The following RAB31 variants were observed in gnomAD, a reference collection of about 807,000 sequenced individuals.
RAB31 encodes the protein ras-related protein Rab-31.
In RAB31, 21 loss-of-function variants were observed where a neutral mutation model predicts 25.6. That is an observed-to-expected ratio of 0.82 (90% CI 0.58 to 1.18). The LOEUF (loss-of-function observed/expected upper bound fraction) is 1.18. RAB31 is among the 50% of genes most tolerant of loss of function. RAB31 has a pLI of 0.00. For missense variants in RAB31, 196 were observed against 250.1 expected, an observed-to-expected ratio of 0.78 and a Z score of 1.46; for synonymous variants, 87 against 84.0, an observed-to-expected ratio of 1.04 and a Z score of -0.20.
chr18:9,775,040 C>G (rs1443099133), intron 1 of RAB31, among the ~76,000 whole-genome samples: 3 of 152,150 alleles, frequency 2.0e-5, no homozygotes, highest in Non-Finnish European at 4.4e-5. Context: ...GTATACATGT[C>G]AGACATGTTT....
chr18:9,767,877 G>A (rs1483223201), intron 1 of RAB31, among the ~76,000 whole-genome samples: 1 of 151,114 alleles, frequency 6.6e-6, no homozygotes, highest in African/African-American at 2.4e-5. Flanking sequence ...CTAGCCCCCT[G>A]CCCCCTGACA....
At chr18:9,738,335 G>A (rs1412226209) in intron 1 of RAB31, among the ~76,000 whole-genome samples, 1 of 152,164 alleles carries the variant, frequency 6.6e-6, no homozygotes, top group Non-Finnish European at 1.5e-5. Flanking sequence ...GATGGGGCTG[G>A]TCACAGGAAA....
chr18:9,759,530 C>T (rs931822557), intron 1 of RAB31, among the ~76,000 whole-genome samples: 1 of 150,810 alleles, frequency 6.6e-6, no homozygotes. Flanking sequence ...TCATGAGGGA[C>T]CCTCTCACCA....
chr18:9,820,123 CT>C (rs2068617693), intron 5 of RAB31, among the ~76,000 whole-genome samples: 2 of 152,008 alleles, frequency 1.3e-5, no homozygotes, highest in Admixed American at 6.6e-5. Flanking sequence ...AGTGCACATT[CT>C]TGTTTCTTCC....
chr18:9,751,600 G>T (rs1478605476), intron 1 of RAB31, among the ~76,000 whole-genome samples: 1 of 152,154 alleles, frequency 6.6e-6, no homozygotes, highest in Non-Finnish European at 1.5e-5. Context: ...TTATTTCTAG[G>T]TAGGAGACAT....
intron 2 of RAB31, among the ~76,000 whole-genome samples, 159 bp from the exon 3 acceptor site, chr18:9,791,995 G>A (rs2068462901): frequency 6.6e-6 from 1 of 152,144 alleles, no homozygotes; most frequent in Non-Finnish European, 1.5e-5. Flanking sequence ...ATTTTATTTT[G>A]GGTGTCATGA....
chr18:9,724,448 T>C (rs1412394873), intron 1 of RAB31, among the ~76,000 whole-genome samples: 1 of 152,228 alleles, frequency 6.6e-6, no homozygotes, highest in Non-Finnish European at 1.5e-5. Context: ...TAACCAGATG[T>C]GCACATTCTT....
intron 1 of RAB31, among the ~76,000 whole-genome samples, chr18:9,730,169 G>C (rs1599015401): frequency 1.3e-5 from 2 of 152,096 alleles, no homozygotes; most frequent in Non-Finnish European, 2.9e-5. Context: ...AACAACTTCT[G>C]CATGTTATTT....
rs192883167 is a variant in RAB31 at position 9,793,720 on chromosome 18, T to C, written c.201+1485T>C. Among the ~76,000 whole-genome samples, 9 of 152,178 alleles carry C rather than the reference T, an allele frequency of 5.9e-5. No homozygotes were observed. The East Asian group carries it at 1.4e-3, about 23-fold the overall frequency. The stretch of plus-strand genomic sequence containing the variant: ...AGCCAAGCAGAGATAACCAATACCT[T>C]GTCTTAGCCAAGAGCTGTTAGCTTG... On this transcript the variant is annotated intron_variant, in intron 3 of 6. Transcript: ENST00000578921.
chr18:9,756,246 C>T (rs1299964783), intron 1 of RAB31, among the ~76,000 whole-genome samples: 1 of 152,196 alleles, frequency 6.6e-6, no homozygotes, highest in Non-Finnish European at 1.5e-5. Flanking sequence ...AGTTAACCTT[C>T]ATGAGTATAA....
intron 1 of RAB31, among the ~76,000 whole-genome samples, chr18:9,731,745 G>A (rs769174189): frequency 3.3e-5 from 5 of 151,952 alleles, no homozygotes; most frequent in Admixed American, 6.6e-5. Context: ...ACAGGCGTGT[G>A]GCACCACGCC....
chr18:9,720,974 G>C (rs958908087), intron 1 of RAB31, among the ~76,000 whole-genome samples: 1 of 152,138 alleles, frequency 6.6e-6, no homozygotes, highest in Non-Finnish European at 1.5e-5. Context: ...CACCTGTGCA[G>C]GTCGTTCTCT....
intron 1 of RAB31, among the ~76,000 whole-genome samples, chr18:9,736,450 A>G (rs1472239207): frequency 2.0e-5 from 3 of 151,720 alleles, no homozygotes; most frequent in African/African-American, 7.3e-5. Flanking sequence ...GAGTGCAGGG[A>G]CTTTCTCTGG....
intron 1 of RAB31, among the ~76,000 whole-genome samples, chr18:9,719,364 A>G (rs2068063096): frequency 7.9e-6 from 1 of 126,686 alleles, no homozygotes; most frequent in African/African-American, 3.0e-5. Flanking sequence ...GAGGGAGGGG[A>G]AATGATCTAG....
intron 1 of RAB31, among the ~76,000 whole-genome samples, chr18:9,759,416 C>G (rs577009117): frequency 1.3e-5 from 2 of 152,080 alleles, no homozygotes; most frequent in African/African-American, 4.8e-5. Flanking sequence ...AGTAAACCTC[C>G]CACCTCAGCC....
At chr18:9,822,495 C>T (rs767268167) in intron 5 of RAB31, among the ~76,000 whole-genome samples, 3 of 152,060 alleles carry the variant, frequency 2.0e-5, no homozygotes, top group Non-Finnish European at 4.4e-5. Context: ...AAAATATTTG[C>T]TCTGTGAAAT....
At chr18:9,828,875 A>T (rs1372580745) in intron 5 of RAB31, among the ~76,000 whole-genome samples, 1 of 152,178 alleles carries the variant, frequency 6.6e-6, no homozygotes, top group Non-Finnish European at 1.5e-5. Flanking sequence ...CGTTTTCCTT[A>T]TGTGAGATAA....
intron 1 of RAB31, among the ~76,000 whole-genome samples, chr18:9,730,288 C>A (rs886993978): frequency 7.1e-6 from 1 of 140,940 alleles, no homozygotes; most frequent in African/African-American, 2.6e-5. Flanking sequence ...CTCACCTTAT[C>A]TTTTTTTTTT....
At position 9,777,434 on chromosome 18, in the gene RAB31, C is replaced by T. The variant is rs754246987; in HGVS notation, c.119+2077C>T. ...TACAAGCATCCTTGAAAACACAATC[C>T]GGAAAAAAGTGTTTACTTGCAAGAT... On this transcript the variant is annotated intron_variant, in intron 2 of 6. Coordinates refer to ENST00000578921, the MANE Select transcript of RAB31 (RefSeq NM_006868.4). 9.2e-4 allele frequency among the ~76,000 whole-genome samples: 140 copies of T among 152,134 alleles called. 1 individual carries two copies. The highest frequency in any genetic ancestry group is 8.7e-4 in the African/African-American group (36 of 41,420).
Sources: gnomAD v4.1 joint callset for allele counts (sites outside exome capture counted in the v4.1 genomes callset) on GRCh38, gnomAD v4.1.1 for gene constraint, MANE v1.5 for transcripts, NCBI Gene and HGNC (gene_info 2026-07-23, HGNC 2026-07-21) for gene names.